CTNND2: variants seen among roughly 807,000 people sequenced by gnomAD.
CTNND2 encodes catenin delta 2.
Under a neutral mutation model 144.4 loss-of-function variants are expected in CTNND2, and 22 were observed. The ratio of observed to expected loss-of-function variants is 0.15; its 90% CI spans 0.11 to 0.22. The LOEUF is 0.22. CTNND2 is among the 10% of genes least tolerant of loss of function. The pLI is 1.00. For missense variants in CTNND2, 1,353 were observed against 1,618.8 expected (o/e 0.84, Z 2.82); for synonymous variants, 751 against 695.6 (o/e 1.08, Z -1.25).
chr5:10,995,369 C>T (rs1167563862), intron 18 of CTNND2, among the ~76,000 whole-genome samples: 1 of 152,020 alleles, frequency 6.6e-6, no homozygotes, highest in African/African-American at 2.4e-5. Flanking sequence ...AGGAGCAATG[C>T]GTGAGGAGGA....
At chr5:11,704,899 G>T (rs1785623732) in intron 2 of CTNND2, among the ~76,000 whole-genome samples, 1 of 151,590 alleles carries the variant, frequency 6.6e-6, no homozygotes, top group Non-Finnish European at 1.5e-5. Context: ...CAATACAAAT[G>T]CTAACCTAGT....
At chr5:11,477,666 C>T (rs1191168699) in intron 3 of CTNND2, among the ~76,000 whole-genome samples, 1 of 152,124 alleles carries the variant, frequency 6.6e-6, no homozygotes, top group Admixed American at 6.6e-5. Context: ...CCTCCTGACT[C>T]GGCCTCCAAA....
At chr5:11,098,865 A>G in intron 14 of CTNND2, 117 bp from the exon 15 acceptor site, 1 of 904,542 alleles carries the variant, frequency 1.1e-6, no homozygotes, top group Non-Finnish European at 1.7e-6. Flanking sequence ...TTTGCTGAAC[A>G]TAGACTGCAC....
intron 10 of CTNND2, among the ~76,000 whole-genome samples, chr5:11,220,220 C>T (rs1465905933): frequency 1.3e-5 from 2 of 151,970 alleles, no homozygotes; most frequent in African/African-American, 4.8e-5. Context: ...GTTTGCATTA[C>T]ATAGAAAAGA....
chr5:11,608,139 A>C (rs1182099515), intron 2 of CTNND2, among the ~76,000 whole-genome samples: 1 of 152,202 alleles, frequency 6.6e-6, no homozygotes, highest in African/African-American at 2.4e-5. Context: ...CAGCAGTGGA[A>C]GCTATGAAGA....
chr5:11,082,619 C>G, intron 16 of CTNND2, 77 bp downstream of exon 16: 7 of 1,527,662 alleles, frequency 4.6e-6, no homozygotes, highest in Non-Finnish European at 6.2e-6. Context: ...GCTATGCATA[C>G]GGGTTCAACC....
chr5:11,602,014 G>A (rs1164464735), intron 2 of CTNND2, among the ~76,000 whole-genome samples: 1 of 152,046 alleles, frequency 6.6e-6, no homozygotes, highest in African/African-American at 2.4e-5. Flanking sequence ...CTACTACCCT[G>A]TGTTTCCAAG....
At chr5:11,262,537 T>C (rs992531253) in intron 9 of CTNND2, among the ~76,000 whole-genome samples, 1 of 151,178 alleles carries the variant, frequency 6.6e-6, no homozygotes, top group East Asian at 1.9e-4. Context: ...CCGAGGCGGG[T>C]GGATCACGAG....
chr5:11,523,748 T>G (rs1298208972), intron 3 of CTNND2, among the ~76,000 whole-genome samples: 1 of 152,136 alleles, frequency 6.6e-6, no homozygotes, highest in South Asian at 2.1e-4. Flanking sequence ...TCTGGTTGGA[T>G]TGCCTCCTCT....
At chr5:11,590,803 A>T (rs1779193470) in intron 2 of CTNND2, among the ~76,000 whole-genome samples, 1 of 152,112 alleles carries the variant, frequency 6.6e-6, no homozygotes, top group African/African-American at 2.4e-5. Flanking sequence ...CCTATCCCAA[A>T]CCTATAAACT....
intron 1 of CTNND2, among the ~76,000 whole-genome samples, chr5:11,808,743 T>C (rs1382976021): frequency 6.6e-6 from 1 of 152,210 alleles, no homozygotes; most frequent in Non-Finnish European, 1.5e-5. Context: ...TTCTACATTT[T>C]CCTAACACAG....
Position 11,523,275 on chromosome 5 carries a change from A to AT in CTNND2, c.287+41668dup, listed in dbSNP as rs1000983583. Among the ~76,000 whole-genome samples the AT allele has an allele frequency of 3.0e-3, 455 of 151,882 alleles. 7 individuals are homozygous for AT. The highest frequency in any genetic ancestry group is 9.6e-3 in the African/African-American group (398 of 41,422). On this transcript the variant is annotated intron_variant, in intron 3 of 21. Coordinates refer to ENST00000304623, the MANE Select transcript of CTNND2 (RefSeq NM_001332.4). Reference sequence around the variant, plus strand: ...TAATGTTATTTTGAAATAACATGAGATTTTTTTTTAAGATTCTACAGTTTC... The same window carrying AT: ...TAATGTTATTTTGAAATAACATGAGATTTTTTTTTTAAGATTCTACAGTTTC...
At chr5:11,286,431 T>C (rs193227447) in intron 9 of CTNND2, among the ~76,000 whole-genome samples, 26 of 152,298 alleles carry the variant, frequency 1.7e-4, no homozygotes, top group Admixed American at 1.6e-3. Context: ...ATTAGACTCT[T>C]AAGCATAAAA....
At chr5:11,129,976 C>G (rs575990184) in intron 12 of CTNND2, among the ~76,000 whole-genome samples, 11 of 152,208 alleles carry the variant, frequency 7.2e-5, no homozygotes, top group African/African-American at 2.7e-4. Context: ...GAAAGCTGGT[C>G]TCTTATCACA....
intron 20 of CTNND2, among the ~76,000 whole-genome samples, chr5:10,983,063 G>A (rs1174078538): frequency 1.3e-5 from 2 of 152,170 alleles, no homozygotes; most frequent in African/African-American, 4.8e-5. Flanking sequence ...AATACAGTTA[G>A]AAGAGAAAAG....
chr5:11,892,506 A>G (rs1264510655), intron 1 of CTNND2, among the ~76,000 whole-genome samples: 2 of 152,210 alleles, frequency 1.3e-5, no homozygotes, highest in Non-Finnish European at 2.9e-5. Context: ...CATATTGAAA[A>G]TTAATAAGCT....
At chr5:11,187,905 CCTT>C (rs1265528142) in intron 11 of CTNND2, among the ~76,000 whole-genome samples, 1 of 152,134 alleles carries the variant, frequency 6.6e-6, no homozygotes, top group Non-Finnish European at 1.5e-5. Flanking sequence ...CAATGAGACA[CCTT>C]CTCATACCAG....
intron 7 of CTNND2, among the ~76,000 whole-genome samples, chr5:11,379,324 A>G (rs1324852131): frequency 6.6e-6 from 1 of 152,186 alleles, no homozygotes; most frequent in African/African-American, 2.4e-5. Flanking sequence ...ACACAAAAAT[A>G]TACTACCTCT....
rs1561128586 is a variant in CTNND2 at position 10,988,336 on chromosome 5, G to A, written c.3212-94C>T. On this transcript the variant is annotated intron_variant, in intron 19 of 21. Coordinates refer to ENST00000304623, the MANE Select transcript of CTNND2 (RefSeq NM_001332.4). This position sits in a 1 kb window ranked among gnomAD's most constrained non-coding sequence, Gnocchi z 5.9. Reference sequence around the variant, plus strand: ...CAGGGTCCTCACTATGCATGGTCCCGCATCTCAATGCCTACGTGAGGACCT... The same window carrying A: ...CAGGGTCCTCACTATGCATGGTCCCACATCTCAATGCCTACGTGAGGACCT... 4.4e-5 allele frequency: 64 copies of A among 1,440,216 alleles called. No individual in the cohort carries two copies. The South Asian group carries it at 4.7e-4, about 11-fold the overall frequency. 89.2% of individuals were successfully genotyped at this position (1,440,216 alleles called of 1,614,324 possible).
Sources: gnomAD v4.1 joint callset for allele counts (sites outside exome capture counted in the v4.1 genomes callset) on GRCh38, gnomAD v4.1.1 for gene constraint, Gnocchi (gnomAD v3.1) non-coding constraint, MANE v1.5 for transcripts, NCBI Gene and HGNC (gene_info 2026-07-23, HGNC 2026-07-21) for gene names.